CD163L1: variants seen among roughly 807,000 people sequenced by gnomAD.
CD163L1 encodes the protein scavenger receptor cysteine-rich type 1 protein M160.
In CD163L1, 124 loss-of-function variants were observed where a neutral mutation model predicts 165.4. That is an observed-to-expected ratio of 0.75 (90% CI 0.65 to 0.87). The LOEUF is 0.87. CD163L1 is among the 40% of genes least tolerant of loss of function. The pLI, the probability that CD163L1 is intolerant of heterozygous loss-of-function variation, is 0.00. For synonymous variants in CD163L1, 585 were observed against 662.2 expected (o/e 0.88, Z 1.79); for missense variants, 1,525 against 1,799.9 (o/e 0.85, Z 2.76).
intron 2 of CD163L1, among the ~76,000 whole-genome samples, chr12:7,434,857 AG>A (rs1190275773): frequency 6.6e-6 from 1 of 152,200 alleles, no homozygotes; most frequent in Non-Finnish European, 1.5e-5. Context: ...GTGGATTGTG[AG>A]TTAACCATAA....
chr12:7,327,132 C>T, the CD163L1 span: 2 of 1,559,352 alleles, frequency 1.3e-6, no homozygotes, highest in South Asian at 1.2e-5. Flanking sequence ...TTGGATGTTA[C>T]CAAACTAGGG....
chr12:7,440,132 G>A (rs1485789343), intron 2 of CD163L1: 1 of 695,720 alleles, frequency 1.4e-6, no homozygotes. Context: ...GCGCCAGCGT[G>A]GCCACGTCCC....
chr12:7,363,065 C>T (rs1421970786), intron 18 of CD163L1, among the ~76,000 whole-genome samples: 5 of 151,940 alleles, frequency 3.3e-5, no homozygotes, highest in South Asian at 2.1e-4. Flanking sequence ...CTAAGAGGGA[C>T]GTTTATAGCA....
intron 7 of CD163L1, among the ~76,000 whole-genome samples, chr12:7,397,936 G>C (rs957114167): frequency 3.9e-5 from 6 of 152,198 alleles, no homozygotes; most frequent in African/African-American, 1.4e-4. Context: ...CTAAGGGTTA[G>C]AAAGGCTCTA....
In CD163L1 at chr12:7,356,986, T is replaced by C. The variant is rs764128141; in HGVS notation, c.*24+394A>G. Among the ~76,000 whole-genome samples the C allele has an allele frequency of 2.6e-5, 4 of 152,284 alleles. No individual in the cohort carries two copies. The East Asian group carries it at 7.7e-4, about 29-fold the overall frequency. ...TGGCGATTAAAGCAATAAGGAGTGA[T>C]ATTAATGCACGGAATCTAGTCTGTA... On this transcript the variant is annotated intron_variant, in intron 19 of 19. Coordinates refer to ENST00000313599, the MANE Select transcript of CD163L1 (RefSeq NM_174941.6).
chr12:7,336,212 T>A, the CD163L1 span, among the ~76,000 whole-genome samples: 1 of 144,322 alleles, frequency 6.9e-6, no homozygotes. Context: ...TGCACACGTA[T>A]GTTTATTGCG....
chr12:7,341,725 C>T (rs1946638857), downstream of CD163L1, among the ~76,000 whole-genome samples: 1 of 152,112 alleles, frequency 6.6e-6, no homozygotes, highest in South Asian at 2.1e-4. Context: ...CGACCCATTA[C>T]TATTTGTGAA....
the CD163L1 span, chr12:7,324,202 T>G: frequency 2.6e-6 from 4 of 1,558,654 alleles, 1 homozygote; most frequent in Non-Finnish European, 3.5e-6. Context: ...AATGTACTAG[T>G]CACTTAATGA....
Position 7,396,301 on chromosome 12 carries a change from T to G in CD163L1, c.1844A>C (p.Lys615Thr), listed in dbSNP as rs756833255. The G allele has an allele frequency of 6.2e-7, 1 of 1,614,048 alleles. No homozygotes were observed. Among genetic ancestry groups the G allele is most frequent in the African/African-American group, 1.3e-5 (1 of 74,934 alleles). ...CTGGCTACACACCACAGCTGCAGCTTTACTGTTCCAGCCGTCATCACACAC... is the reference window on the plus strand; with the variant it reads ...CTGGCTACACACCACAGCTGCAGCTGTACTGTTCCAGCCGTCATCACACAC... ...GTVCDDGWNS[K>T]AAAVVCSQLD... is the part of the protein sequence containing the mutation. The change falls in exon 8 of 20, where the codon AAA becomes ACA. Residue 615 changes from lysine (K) to threonine (T), a missense_variant. Coordinates refer to ENST00000313599, the MANE Select transcript of CD163L1 (RefSeq NM_174941.6).
At chr12:7,332,195 G>A in the CD163L1 span, among the ~76,000 whole-genome samples, 110 of 151,800 alleles carry the variant, frequency 7.2e-4, 1 homozygote, top group African/African-American at 2.5e-3. Flanking sequence ...AATGGAAGAC[G>A]AAATGAATGA....
chr12:7,427,758 T>C (rs1280223108), intron 4 of CD163L1, among the ~76,000 whole-genome samples: 2 of 152,254 alleles, frequency 1.3e-5, no homozygotes, highest in East Asian at 1.9e-4. Flanking sequence ...AACCTAACAA[T>C]CCATTCCCCT....
At chr12:7,324,142 A>G in the CD163L1 span, 5 of 1,082,536 alleles carry the variant, frequency 4.6e-6, no homozygotes, top group Non-Finnish European at 6.5e-6. Context: ...GGCAACAGAG[A>G]GAGACTCTGT....
the CD163L1 span, among the ~76,000 whole-genome samples, chr12:7,335,608 C>T: frequency 3.3e-5 from 5 of 152,188 alleles, no homozygotes; most frequent in Admixed American, 2.0e-4. Flanking sequence ...GCAAGGACTT[C>T]ATGTTTAAAA....
chr12:7,431,376 C>G (rs1948624649), intron 4 of CD163L1, among the ~76,000 whole-genome samples: 1 of 151,668 alleles, frequency 6.6e-6, no homozygotes, highest in African/African-American at 2.4e-5. Flanking sequence ...GAGATCATGC[C>G]ACTACACTCC....
chr12:7,435,165 G>GT (rs1315648420), intron 2 of CD163L1, among the ~76,000 whole-genome samples: 1 of 151,686 alleles, frequency 6.6e-6, no homozygotes. Context: ...TGATTAAGGT[G>GT]TTTTTTTCAA....
intron 4 of CD163L1, among the ~76,000 whole-genome samples, chr12:7,408,218 T>G (rs1337946192): frequency 6.6e-6 from 1 of 152,066 alleles, no homozygotes; most frequent in African/African-American, 2.4e-5. Context: ...TTACAGATTA[T>G]TTACCTTTAT....
intron 8 of CD163L1, among the ~76,000 whole-genome samples, chr12:7,389,174 C>G (rs151191021): frequency 2.6e-5 from 4 of 152,176 alleles, no homozygotes. Context: ...TTGTGAGGAA[C>G]CTCCAAACTG....
rs755791715 is a variant in CD163L1, at chr12:7,440,059, G to A, written c.124+1095C>T. 2.9e-4 allele frequency: 334 copies of A among 1,156,666 alleles called. 7 individuals are homozygous for A. The South Asian group carries it at 4.1e-3, about 14-fold the overall frequency. 71.7% of individuals were successfully genotyped at this position (1,156,666 alleles called of 1,614,324 possible). A position where few individuals can be genotyped will look rare whatever the true frequency, so the allele number is the denominator to read the frequency against. On this transcript the variant is annotated intron_variant, in intron 2 of 19. Transcript: ENST00000313599. ...ACCCCAGCAGCTCCTCGCGTTCCGC[G>A]CTCCGCCCTACTCCACATCAGCGGC...
chr12:7,332,281 T>C, the CD163L1 span, among the ~76,000 whole-genome samples: 3 of 152,262 alleles, frequency 2.0e-5, no homozygotes, highest in Non-Finnish European at 4.4e-5. Flanking sequence ...TATGGGACTA[T>C]GTGAAAAGAC....
Sources: gnomAD v4.1 joint callset for allele counts (sites outside exome capture counted in the v4.1 genomes callset) on GRCh38, gnomAD v4.1.1 for gene constraint, MANE v1.5 for transcripts, NCBI Gene and HGNC (gene_info 2026-07-23, HGNC 2026-07-21) for gene names.